The following PPP4R2 variants were observed in gnomAD, a reference collection of about 807,000 sequenced individuals.
The protein encoded by PPP4R2 is protein phosphatase 4 regulatory subunit 2, also known as serine/threonine-protein phosphatase 4 regulatory subunit 2.
Under a neutral mutation model 47.2 loss-of-function variants are expected in PPP4R2, and 13 were observed. The observed-to-expected ratio is 0.28, with a 90% CI of 0.18 to 0.44. PPP4R2 has a LOEUF of 0.44. PPP4R2 is among the 20% of genes least tolerant of loss of function. The pLI, the probability that PPP4R2 is intolerant of heterozygous loss-of-function variation, is 1.00. For synonymous variants in PPP4R2, 151 were observed against 163.3 expected (o/e 0.92, Z 0.57); for missense variants, 421 against 491.2 (o/e 0.86, Z 1.35).
chr3:73,041,373 G>A (rs1036846619), intron 2 of PPP4R2, among the ~76,000 whole-genome samples: 3 of 152,160 alleles, frequency 2.0e-5, no homozygotes, highest in Admixed American at 1.3e-4. Context: ...AAGCAACTCA[G>A]TGTTTTCTTA....
At position 73,008,557 on chromosome 3, in the gene PPP4R2, G is replaced by C. The variant is rs538356004; in HGVS notation, c.116+10399G>C. 7.9e-5 allele frequency among the ~76,000 whole-genome samples: 12 copies of C among 152,270 alleles called. No individual in the cohort carries two copies. The South Asian group carries it at 1.9e-3, about 24-fold the overall frequency. ...TGTGGTGATGGCGGAGTAATGTCAT[G>C]TCTTGGAGAGAACATTGCTTGAGTT... On this transcript the variant is annotated intron_variant, in intron 2 of 8. Coordinates refer to ENST00000356692, the MANE Select transcript of PPP4R2 (RefSeq NM_174907.4).
rs1703034033 is a variant in PPP4R2, at chr3:73,067,921, A to G, written c.*2199A>G. On this transcript the variant is annotated 3_prime_UTR_variant, in exon 9 of 9. Coordinates refer to ENST00000356692, the MANE Select transcript of PPP4R2 (RefSeq NM_174907.4). ...TCTGCATTTTAATCTATAGTTTAAT[A>G]GTTTTAATATTTATTAGATATTCAT... 6.6e-6 allele frequency: 1 copy of G among 152,214 alleles called. No individual in the cohort carries two copies. The highest frequency in any genetic ancestry group is 2.1e-4 in the South Asian group (1 of 4,834). The allele number at this position is 152,214 out of a possible 1,614,324, so 9.4% of individuals were successfully genotyped here. A position where few individuals can be genotyped will look rare whatever the true frequency, so the allele number is the denominator to read the frequency against.
At chr3:73,034,477 A>C (rs1702227207) in intron 2 of PPP4R2, among the ~76,000 whole-genome samples, 1 of 152,202 alleles carries the variant, frequency 6.6e-6, no homozygotes, top group African/African-American at 2.4e-5. Context: ...CCATTTGATA[A>C]CTATGAGTAG....
chr3:73,007,357 T>C (rs1391921919), intron 2 of PPP4R2, among the ~76,000 whole-genome samples: 1 of 152,220 alleles, frequency 6.6e-6, no homozygotes, highest in Non-Finnish European at 1.5e-5. Flanking sequence ...GGTTTAAAAG[T>C]AGTTATCGAC....
chr3:73,050,026 C>T (rs964591656), intron 3 of PPP4R2, among the ~76,000 whole-genome samples: 3 of 152,198 alleles, frequency 2.0e-5, no homozygotes, highest in East Asian at 1.9e-4. Context: ...CTGCAACTTC[C>T]GCCTCCCAAG....
chr3:73,060,988 T>C (rs1354208002), intron 4 of PPP4R2, 35 bp from the exon 5 acceptor site: 1 of 1,483,670 alleles, frequency 6.7e-7, no homozygotes, highest in Non-Finnish European at 9.2e-7. Flanking sequence ...GTAGTACTTT[T>C]CTTCATACTA....
intron 3 of PPP4R2, among the ~76,000 whole-genome samples, chr3:73,055,830 C>T (rs1338453648): frequency 3.3e-5 from 5 of 152,224 alleles, no homozygotes; most frequent in African/African-American, 9.6e-5. Flanking sequence ...GGTTCTTGAA[C>T]TCCTGACCTC....
At chr3:73,065,376 A>G in intron 8 of PPP4R2, 21 bp from the exon 9 acceptor site, 1 of 1,557,404 alleles carries the variant, frequency 6.4e-7, no homozygotes, top group South Asian at 1.2e-5. Context: ...TTTAACTACA[A>G]CAACATTTGC....
chr3:73,047,425 T>G, intron 3 of PPP4R2, 69 bp downstream of exon 3: 1 of 1,040,902 alleles, frequency 9.6e-7, no homozygotes, highest in Non-Finnish European at 1.3e-6. Flanking sequence ...CTTTTAGTTT[T>G]GATGTGTCTG....
intron 2 of PPP4R2, among the ~76,000 whole-genome samples, chr3:73,041,235 G>T (rs1702373240): frequency 6.6e-6 from 1 of 152,106 alleles, no homozygotes; most frequent in Admixed American, 6.5e-5. Context: ...TTAATGTTCA[G>T]TTAGTCGACA....
intron 3 of PPP4R2, among the ~76,000 whole-genome samples, chr3:73,055,273 A>G (rs139034966): frequency 2.0e-4 from 30 of 152,234 alleles, no homozygotes; most frequent in Non-Finnish European, 2.9e-4. Context: ...AGGTGATTTA[A>G]TATACCATAT....
intron 2 of PPP4R2, among the ~76,000 whole-genome samples, chr3:73,028,765 G>A (rs567860364): frequency 6.6e-6 from 1 of 152,216 alleles, no homozygotes; most frequent in East Asian, 1.9e-4. Flanking sequence ...ATCTTTCAGT[G>A]CAAAAGCCTT....
intron 5 of PPP4R2, chr3:73,063,318 T>TAAA (rs534798966): frequency 7.7e-4 from 71 of 92,120 alleles, no homozygotes; most frequent in African/African-American, 1.2e-3. Flanking sequence ...TCTCATTATT[T>TAAA]AAAAAAAAAA....
At chr3:73,008,011 A>G (rs1200884590) in intron 2 of PPP4R2, among the ~76,000 whole-genome samples, 1 of 152,004 alleles carries the variant, frequency 6.6e-6, no homozygotes, top group Admixed American at 6.6e-5. Flanking sequence ...ATTACAGATA[A>G]AGGTCAAACC....
chr3:73,008,981 G>T (rs1438646719), intron 2 of PPP4R2, among the ~76,000 whole-genome samples: 2 of 152,220 alleles, frequency 1.3e-5, no homozygotes, highest in East Asian at 1.9e-4. Context: ...AAGGGATGTT[G>T]TGGGGATTAA....
chr3:73,015,807 T>A (rs906072948), intron 2 of PPP4R2: 4 of 445,924 alleles, frequency 9.0e-6, no homozygotes, highest in Non-Finnish European at 1.8e-5. Context: ...CCGATTAATT[T>A]TTTTGTGTGT....
intron 2 of PPP4R2, among the ~76,000 whole-genome samples, chr3:73,011,625 G>A (rs887025222): frequency 2.0e-5 from 3 of 152,158 alleles, no homozygotes; most frequent in African/African-American, 7.2e-5. Context: ...AGAAGGTTGA[G>A]TGTGGGTCAA....
At position 73,015,629 on chromosome 3, in the gene PPP4R2, C is replaced by T. The variant is rs144816531; in HGVS notation, c.116+17471C>T. ...TAGCTGGCACTACAGGCGTGTGCCA[C>T]CATGCCCAGCTTTTTTTTTTTTTTT... On this transcript the variant is annotated intron_variant, in intron 2 of 8. Coordinates refer to ENST00000356692, the MANE Select transcript of PPP4R2 (RefSeq NM_174907.4). Among the ~76,000 whole-genome samples, 1,236 of 151,764 alleles carry T rather than the reference C, an allele frequency of 8.1e-3. 9 individuals are homozygous for T. Among genetic ancestry groups the T allele is most frequent in the Non-Finnish European group, 0.011 (716 of 67,862 alleles).
intron 2 of PPP4R2, among the ~76,000 whole-genome samples, chr3:73,024,614 C>T (rs539183706): frequency 6.6e-6 from 1 of 152,158 alleles, no homozygotes; most frequent in South Asian, 2.1e-4. Flanking sequence ...AATTTGAAAG[C>T]CCAAAGGAGT....
Sources: allele counts gnomAD v4.1 joint callset (sites outside exome capture counted in the v4.1 genomes callset), GRCh38; gene constraint gnomAD v4.1.1; transcripts MANE v1.5; gene names NCBI Gene and HGNC (gene_info 2026-07-23, HGNC 2026-07-21).